The following GABRB3 variants were observed in gnomAD, a reference collection of about 807,000 sequenced individuals.
GABRB3 encodes gamma-aminobutyric acid receptor subunit beta-3.
A neutral mutation model predicts 52.1 loss-of-function variants in GABRB3; 14 were observed. That is an observed-to-expected ratio of 0.27 (90% confidence interval 0.18 to 0.42). The LOEUF (loss-of-function observed/expected upper bound fraction) is 0.42, where lower values mean the gene tolerates loss of function less well. GABRB3 is among the 10% of genes least tolerant of loss of function. The probability of loss-of-function intolerance (pLI) is 1.00; values close to 1 mark genes in which losing one functional copy is unlikely to be tolerated. For synonymous variants in GABRB3, 260 were observed against 232.3 expected (o/e 1.12, Z -1.08); for missense variants, 307 against 609.1 (o/e 0.50, Z 5.22).
chr15:26,657,814 G>T (rs899078510), intron 3 of GABRB3, among the ~76,000 whole-genome samples: 2 of 152,118 alleles, frequency 1.3e-5, no homozygotes, highest in Non-Finnish European at 2.9e-5. Flanking sequence ...GTTGCCCTTG[G>T]TTCATTCTTG....
chr15:26,743,080 C>A (rs1394026056), intron 3 of GABRB3, among the ~76,000 whole-genome samples: 1 of 152,020 alleles, frequency 6.6e-6, no homozygotes, highest in Admixed American at 6.6e-5. Flanking sequence ...CAGGCACGCA[C>A]CAACACGCCA....
chr15:26,574,318 T>G (rs1890515383), intron 6 of GABRB3, among the ~76,000 whole-genome samples: 1 of 152,328 alleles, frequency 6.6e-6, no homozygotes, highest in South Asian at 2.1e-4. Context: ...CCCGTAGGAA[T>G]ATTATCAGGC....
intron 3 of GABRB3, among the ~76,000 whole-genome samples, chr15:26,756,197 C>T (rs1890654821): frequency 6.6e-6 from 1 of 151,800 alleles, no homozygotes; most frequent in Non-Finnish European, 1.5e-5. Flanking sequence ...TTTGTAGAAG[C>T]AGTCAAAGAG....
intron 3 of GABRB3, among the ~76,000 whole-genome samples, chr15:26,769,721 C>A (rs181591821): frequency 2.6e-4 from 40 of 152,294 alleles, no homozygotes; most frequent in Non-Finnish European, 5.0e-4. Flanking sequence ...AAAGTTTCCA[C>A]ATCAAATACC....
At chr15:26,767,536 G>T (rs934274929) in intron 3 of GABRB3, among the ~76,000 whole-genome samples, 2 of 152,134 alleles carry the variant, frequency 1.3e-5, no homozygotes, top group Non-Finnish European at 2.9e-5. Context: ...GAATTCCTGA[G>T]GATTAAGTGA....
chr15:26,771,187 T>C (rs1250754437), intron 3 of GABRB3, among the ~76,000 whole-genome samples: 1 of 152,230 alleles, frequency 6.6e-6, no homozygotes. Flanking sequence ...TTTTACTTTA[T>C]TTGTATATAT....
intron 3 of GABRB3, among the ~76,000 whole-genome samples, chr15:26,748,513 T>C (rs576976332): frequency 2.6e-5 from 4 of 152,198 alleles, no homozygotes; most frequent in Non-Finnish European, 5.9e-5. Context: ...AAATTGTTCG[T>C]GGTATTCCCT....
intron 3 of GABRB3, among the ~76,000 whole-genome samples, chr15:26,759,081 C>T (rs985721960): frequency 3.3e-4 from 50 of 152,304 alleles, no homozygotes; most frequent in African/African-American, 1.2e-3. Flanking sequence ...TGCACATCCA[C>T]CTTTTTCCTA....
intron 3 of GABRB3, among the ~76,000 whole-genome samples, chr15:26,653,923 C>G (rs1361097244): frequency 6.6e-6 from 1 of 152,018 alleles, no homozygotes; most frequent in African/African-American, 2.4e-5. Context: ...ATTTGGGAAG[C>G]AGCTTGAAAA....
chr15:26,741,045 A>AGTGTGTGTGTGTGTGT (rs55860555), intron 3 of GABRB3, among the ~76,000 whole-genome samples: 4 of 55,302 alleles, frequency 7.2e-5, no homozygotes, highest in African/African-American at 1.5e-4. Flanking sequence ...GGGAGGAATA[A>AGTGTGTGTGTGTGTGT]GTGTGTGTGT....
At chr15:26,594,383 T>C (rs115075528) in intron 4 of GABRB3, among the ~76,000 whole-genome samples, 77 of 152,264 alleles carry the variant, frequency 5.1e-4, no homozygotes, top group African/African-American at 1.8e-3. Context: ...TATGAGTCCA[T>C]TTGTTTTGAA....
intron 4 of GABRB3, among the ~76,000 whole-genome samples, chr15:26,608,688 C>T (rs925057514): frequency 6.6e-6 from 1 of 151,996 alleles, no homozygotes; most frequent in African/African-American, 2.4e-5. Flanking sequence ...GCCAACAAGA[C>T]ATATGAAAAG....
chr15:26,728,929 T>C (rs1303393411), intron 3 of GABRB3, among the ~76,000 whole-genome samples: 3 of 152,190 alleles, frequency 2.0e-5, no homozygotes, highest in Admixed American at 1.3e-4. Context: ...GCAATGAAAA[T>C]GTAGCTTCCT....
chr15:26,609,823 C>G (rs1396508855), intron 4 of GABRB3, among the ~76,000 whole-genome samples: 1 of 152,130 alleles, frequency 6.6e-6, no homozygotes, highest in Non-Finnish European at 1.5e-5. Context: ...TACTAGCTAG[C>G]TAGATAAATA....
rs145434714 is a variant in GABRB3, at chr15:26,651,048, T to C, written c.241-29514A>G. ...AGACAAGGGCTAGGGACCCACTGAG[T>C]ATGGGTACCCAAAAAGGCTGTTACA... On this transcript the variant is annotated intron_variant, in intron 3 of 8. Coordinates refer to ENST00000311550, the MANE Select transcript of GABRB3 (RefSeq NM_000814.6). Among the ~76,000 whole-genome samples, 212 of 152,248 alleles carry C rather than the reference T, an allele frequency of 1.4e-3. 2 individuals carry two copies. The highest frequency in any genetic ancestry group is 4.9e-3 in the African/African-American group (204 of 41,532).
intron 3 of GABRB3, among the ~76,000 whole-genome samples, chr15:26,771,578 T>C (rs1417134950): frequency 6.6e-6 from 1 of 152,222 alleles, no homozygotes; most frequent in African/African-American, 2.4e-5. Context: ...TTCAGCTCAA[T>C]TAACAAATGA....
intron 3 of GABRB3, among the ~76,000 whole-genome samples, chr15:26,678,917 T>C (rs964457959): frequency 1.8e-4 from 27 of 152,312 alleles, no homozygotes; most frequent in African/African-American, 6.3e-4. Context: ...ACCCATGATA[T>C]GTTAGTGTGA....
intron 5 of GABRB3, 24 bp downstream of exon 5, chr15:26,583,308 A>G (rs1218664083): frequency 6.3e-7 from 1 of 1,583,402 alleles, no homozygotes; most frequent in Admixed American, 1.7e-5. Context: ...AGGAGGAGAA[A>G]GAAACACAGA....
At chr15:26,729,652 C>T (rs1013124029) in intron 3 of GABRB3, among the ~76,000 whole-genome samples, 2 of 152,120 alleles carry the variant, frequency 1.3e-5, no homozygotes, top group East Asian at 1.9e-4. Context: ...ACTTCTTGAG[C>T]CAAAAATAGA....
Sources: gnomAD v4.1 joint callset for allele counts (sites outside exome capture counted in the v4.1 genomes callset) on GRCh38, gnomAD v4.1.1 for gene constraint, MANE v1.5 for transcripts, NCBI Gene and HGNC (gene_info 2026-07-23, HGNC 2026-07-21) for gene names.